Variants in ZDHHC18 observed in about 807,000 individuals in gnomAD.
The protein encoded by ZDHHC18 is zDHHC palmitoyltransferase 18, also known as palmitoyltransferase ZDHHC18.
A neutral mutation model predicts 37.5 loss-of-function variants in ZDHHC18; 23 were observed. The observed-to-expected ratio is 0.61, with a 90% CI of 0.44 to 0.87. The LOEUF is 0.87. Among genes scored for constraint, ZDHHC18 ranks in the 40% least tolerant of loss-of-function variants. The probability of loss-of-function intolerance (pLI) is 0.00; values close to 1 mark genes in which losing one functional copy is unlikely to be tolerated. For synonymous variants in ZDHHC18, 185 were observed against 218.7 expected (o/e 0.85, Z 1.36); for missense variants, 406 against 525.6 (o/e 0.77, Z 2.22).
intron 2 of ZDHHC18, among the ~76,000 whole-genome samples, chr1:26,834,111 G>A (rs75796628): frequency 0.022 from 3,416 of 152,272 alleles, 75 homozygotes; most frequent in Middle Eastern, 0.11. Context: ...GCTGTGCCCC[G>A]TTCTTCCTCC....
chr1:26,829,903 A>C (rs2081579876), intron 1 of ZDHHC18, among the ~76,000 whole-genome samples: 1 of 152,160 alleles, frequency 6.6e-6, no homozygotes. Flanking sequence ...TACAAGTCTT[A>C]GATTTCAAGT....
At chr1:26,829,224 A>G (rs959551926) in intron 1 of ZDHHC18, among the ~76,000 whole-genome samples, 7 of 152,092 alleles carry the variant, frequency 4.6e-5, no homozygotes, top group African/African-American at 1.4e-4. Context: ...CTTTCCTGCT[A>G]TGAATGGCTT....
chr1:26,852,433 T>A (rs2081709929), intron 6 of ZDHHC18, among the ~76,000 whole-genome samples: 1 of 152,192 alleles, frequency 6.6e-6, no homozygotes, highest in Admixed American at 6.5e-5. Flanking sequence ...GGGCCGGGGC[T>A]CACAGGCAGG....
intron 6 of ZDHHC18, among the ~76,000 whole-genome samples, chr1:26,851,890 T>C (rs1342180674): frequency 6.6e-6 from 1 of 152,234 alleles, no homozygotes; most frequent in Non-Finnish European, 1.5e-5. Flanking sequence ...ACAAGCATGT[T>C]TGATGTGCCC....
In ZDHHC18 at chr1:26,827,118, C is replaced by T; in HGVS notation, c.314C>T (p.Thr105Ile). Residue 105 changes from threonine to isoleucine, a missense_variant, in exon 1 of 8, where the codon ACC becomes ATC. Thr to Ile is a moderately conservative substitution (Grantham distance 89). Coordinates refer to ENST00000374142, the MANE Select transcript of ZDHHC18 (RefSeq NM_032283.3). ...ALTLLLILTTTGLFFVFDCPY... is the reference protein window; with the variant it reads ...ALTLLLILTTIGLFFVFDCPY... ...ACGCTGCTGCTCATCCTCACCACCA[C>T]CGGCCTCTTCTTCGTCTTTGAGTGA... 7.1e-7 allele frequency: 1 copy of T among 1,415,698 alleles called. No individual in the cohort carries two copies. Among genetic ancestry groups the T allele is most frequent in the Non-Finnish European group, 9.2e-7 (1 of 1,089,126 alleles). 87.7% of individuals were successfully genotyped at this position (1,415,698 alleles called of 1,614,324 possible). A position where few individuals can be genotyped will look rare whatever the true frequency, so the allele number is the denominator to read the frequency against.
chr1:26,837,880 C>T (rs919395021), intron 2 of ZDHHC18, among the ~76,000 whole-genome samples: 21 of 152,338 alleles, frequency 1.4e-4, no homozygotes, highest in East Asian at 1.2e-3. Context: ...CCCCCAGCCA[C>T]GCTGTGCACT....
At chr1:26,836,580 T>C (rs1203958959) in intron 2 of ZDHHC18, among the ~76,000 whole-genome samples, 6 of 150,012 alleles carry the variant, frequency 4.0e-5, no homozygotes, top group Non-Finnish European at 1.5e-5. Flanking sequence ...TTCTTTTTTT[T>C]TTTTTTGAGA....
intron 2 of ZDHHC18, among the ~76,000 whole-genome samples, chr1:26,846,899 A>AT (rs35809421): frequency 0.14 from 19,729 of 145,692 alleles, 1,395 homozygotes; most frequent in Non-Finnish European, 0.17. Flanking sequence ...ATTGTTCCTA[A>AT]TTTTTTTTTT....
chr1:26,837,833 A>G (rs1198945707), intron 2 of ZDHHC18, among the ~76,000 whole-genome samples: 1 of 151,832 alleles, frequency 6.6e-6, no homozygotes, highest in Non-Finnish European at 1.5e-5. Context: ...GCTGCAGTCT[A>G]CCCCAGCCAC....
intron 3 of ZDHHC18, among the ~76,000 whole-genome samples, chr1:26,849,058 G>C (rs2081688323): frequency 6.6e-6 from 1 of 152,204 alleles, no homozygotes; most frequent in Non-Finnish European, 1.5e-5. Flanking sequence ...GTCCTCAAGA[G>C]GTCCAAGCTC....
rs1012091898 is a variant in ZDHHC18, at chr1:26,856,128, C to A, written c.*2285C>A. On this transcript the variant is annotated 3_prime_UTR_variant, in exon 8 of 8. Coordinates refer to ENST00000374142, the MANE Select transcript of ZDHHC18 (RefSeq NM_032283.3). This position sits in a 1 kb window ranked among gnomAD's most constrained non-coding sequence, Gnocchi z 5.2. ...CTGGCTACCACCTCCAACCTGGGCACCAGGGCCCAGCCAGACAACTCATAA... is the reference window on the plus strand; with the variant it reads ...CTGGCTACCACCTCCAACCTGGGCAACAGGGCCCAGCCAGACAACTCATAA... The A allele has an allele frequency of 1.4e-5, 6 of 429,912 alleles. No individual in the cohort carries two copies. The highest frequency in any genetic ancestry group is 4.8e-5 in the Admixed American group (2 of 42,070). 26.6% of individuals were successfully genotyped at this position (429,912 alleles called of 1,614,324 possible).
At chr1:26,849,775 G>A (rs1003339301) in intron 3 of ZDHHC18, among the ~76,000 whole-genome samples, 1 of 152,232 alleles carries the variant, frequency 6.6e-6, no homozygotes, top group Non-Finnish European at 1.5e-5. Flanking sequence ...ACGGGTTGTT[G>A]ACTGTTAGCA....
At chr1:26,827,450 C>T (rs1438420179) in intron 1 of ZDHHC18, among the ~76,000 whole-genome samples, 4 of 152,022 alleles carry the variant, frequency 2.6e-5, no homozygotes, top group Non-Finnish European at 4.4e-5. Context: ...GAACACCAGC[C>T]TCCATGCCCC....
rs776812071 is a variant in ZDHHC18, at chr1:26,850,643, C to G, written c.833+37C>G. The G allele has an allele frequency of 6.2e-7, 1 of 1,612,342 alleles. No homozygotes were observed. The highest frequency in any genetic ancestry group is 2.2e-5 in the East Asian group (1 of 44,870). On this transcript the variant is annotated intron_variant, in intron 5 of 7. Coordinates refer to ENST00000374142, the MANE Select transcript of ZDHHC18 (RefSeq NM_032283.3). The surrounding 1 kb of genome is among the most constrained non-coding windows in gnomAD (Gnocchi z 6.1). ...CAGCTAGAGGACACTCCAGTGGGAA[C>G]TGAGGTCCCTTCACTGGGTGGGTGC...
Position 26,846,263 on chromosome 1 carries a change from T to G in ZDHHC18, c.497-2345T>G, listed in dbSNP as rs369844431. On this transcript the variant is annotated intron_variant, in intron 2 of 7. Transcript: ENST00000374142. ...AGAGATATATAGATATATATCTCTA[T>G]AGAGATATATGTGTGTGTGTGTGTG... 1.3e-4 allele frequency among the ~76,000 whole-genome samples: 18 copies of G among 133,900 alleles called. No homozygotes were observed. In the East Asian group the frequency reaches 3.2e-3, roughly 24 times the overall value. The allele number at this position is 133,900 out of a possible 152,430, so 87.8% of individuals were successfully genotyped here.
intron 6 of ZDHHC18, among the ~76,000 whole-genome samples, chr1:26,852,428 G>A (rs543172471): frequency 6.6e-5 from 10 of 152,292 alleles, no homozygotes; most frequent in East Asian, 3.9e-4. Context: ...TAGCAGGGCC[G>A]GGGCTCACAG....
At chr1:26,836,554 C>CT (rs113059850) in intron 2 of ZDHHC18, among the ~76,000 whole-genome samples, 9 of 149,060 alleles carry the variant, frequency 6.0e-5, no homozygotes, top group African/African-American at 1.7e-4. Flanking sequence ...ACCTTCATTT[C>CT]TTTTTTTTTC....
chr1:26,848,833 A>C, intron 3 of ZDHHC18, 76 bp downstream of exon 3: 1 of 1,553,718 alleles, frequency 6.4e-7, no homozygotes, highest in Non-Finnish European at 8.8e-7. Flanking sequence ...GGCATCAAGC[A>C]TGGGGATGGC....
At chr1:26,833,698 G>A (rs1425686888) in intron 2 of ZDHHC18, among the ~76,000 whole-genome samples, 1 of 152,074 alleles carries the variant, frequency 6.6e-6, no homozygotes, top group Non-Finnish European at 1.5e-5. Flanking sequence ...GCTGAGAAGT[G>A]ACGTGGCTAC....
Sources: gnomAD v4.1 joint callset for allele counts (sites outside exome capture counted in the v4.1 genomes callset) on GRCh38, gnomAD v4.1.1 for gene constraint, Gnocchi (gnomAD v3.1) non-coding constraint, MANE v1.5 for transcripts, NCBI Gene and HGNC (gene_info 2026-07-23, HGNC 2026-07-21) for gene names.